The following DOCK4 variants were observed in gnomAD, a reference collection of about 807,000 sequenced individuals.
DOCK4 encodes the protein dedicator of cytokinesis protein 4.
Under a neutral mutation model 268.1 loss-of-function variants are expected in DOCK4, and 97 were observed. The observed-to-expected ratio is 0.36, with a 90% CI of 0.31 to 0.43. The LOEUF is 0.43. DOCK4 is among the 20% of genes least tolerant of loss of function. DOCK4 has a pLI of 1.00. For missense variants in DOCK4, 2,145 were observed against 2,455.7 expected (o/e 0.87, Z 2.67); for synonymous variants, 954 against 887.2 (o/e 1.08, Z -1.34).
chr7:112,107,854 G>T lies in DOCK4; in HGVS notation c.37+98248C>A, dbSNP rs527575859. ...CACTCACTTTGGTGATGTGCTGATT[G>T]CCTGTGACCAAGGAAGACAGGGCCT... is the stretch of plus-strand genomic sequence containing the variant. On this transcript the variant is annotated intron_variant, in intron 1 of 52. Coordinates refer to ENST00000428084, the MANE Select transcript of DOCK4 (RefSeq NM_001363540.2). 1.1e-4 allele frequency among the ~76,000 whole-genome samples: 17 copies of T among 152,348 alleles called. No homozygotes were observed. In the East Asian group the frequency reaches 3.1e-3, roughly 28 times the overall value.
At chr7:111,930,101 T>C (rs912046032) in intron 12 of DOCK4, among the ~76,000 whole-genome samples, 1 of 152,240 alleles carries the variant, frequency 6.6e-6, no homozygotes, top group Non-Finnish European at 1.5e-5. Context: ...ATGAATACTT[T>C]TAGAATTTCA....
At chr7:112,159,655 T>C (rs1816912591) in intron 1 of DOCK4, among the ~76,000 whole-genome samples, 1 of 152,054 alleles carries the variant, frequency 6.6e-6, no homozygotes, top group Admixed American at 6.6e-5. Context: ...AGCACTTATA[T>C]GACCCTCCTA....
chr7:112,144,585 A>G (rs1394363181), intron 1 of DOCK4, among the ~76,000 whole-genome samples: 2 of 152,208 alleles, frequency 1.3e-5, no homozygotes, highest in African/African-American at 2.4e-5. Context: ...GGACCAGGGT[A>G]TCTCCAGGAT....
intron 30 of DOCK4, among the ~76,000 whole-genome samples, chr7:111,800,742 A>T (rs1017359561): frequency 3.9e-5 from 6 of 152,144 alleles, no homozygotes; most frequent in Non-Finnish European, 8.8e-5. Context: ...CAGACACGCT[A>T]TTCTTCCAAA....
At chr7:112,196,471 T>C (rs1415151821) in intron 1 of DOCK4, among the ~76,000 whole-genome samples, 1 of 152,220 alleles carries the variant, frequency 6.6e-6, no homozygotes, top group African/African-American at 2.4e-5. Context: ...GCATCTTCTA[T>C]AGACCCCTTT....
At chr7:112,107,241 A>C (rs1811213250) in intron 1 of DOCK4, among the ~76,000 whole-genome samples, 1 of 152,206 alleles carries the variant, frequency 6.6e-6, no homozygotes, top group Admixed American at 6.5e-5. Context: ...CAAACTTCAT[A>C]TATTGAAGTC....
intron 25 of DOCK4, among the ~76,000 whole-genome samples, chr7:111,839,186 G>A (rs1308797103): frequency 6.6e-6 from 1 of 152,092 alleles, no homozygotes; most frequent in Non-Finnish European, 1.5e-5. Flanking sequence ...ATACACCTGA[G>A]GTTTTTGGTT....
chr7:112,001,574 CT>C (rs1453529141), intron 2 of DOCK4, among the ~76,000 whole-genome samples: 1 of 151,128 alleles, frequency 6.6e-6, no homozygotes, highest in Non-Finnish European at 1.5e-5. Context: ...CCATAAAGTG[CT>C]TTAAGTGAAA....
At position 112,018,817 on chromosome 7, in the gene DOCK4, C is replaced by T. The variant is rs773841262; in HGVS notation, c.38-14686G>A. On this transcript the variant is annotated intron_variant, in intron 1 of 52. Coordinates refer to ENST00000428084, the MANE Select transcript of DOCK4 (RefSeq NM_001363540.2). Reference sequence around the variant, plus strand: ...TGCCAAACAAATGAGATAAATTTTCCAAAATATCTTCAAAAACAAACAATA... The same window carrying T: ...TGCCAAACAAATGAGATAAATTTTCTAAAATATCTTCAAAAACAAACAATA... Among the ~76,000 whole-genome samples the T allele has an allele frequency of 1.3e-4, 20 of 152,136 alleles. 1 individual carries two copies. The Middle Eastern group carries it at 0.01, about 78-fold the overall frequency.
intron 1 of DOCK4, among the ~76,000 whole-genome samples, chr7:112,191,299 C>G (rs952862420): frequency 2.0e-5 from 3 of 152,162 alleles, no homozygotes; most frequent in African/African-American, 7.2e-5. Flanking sequence ...CTGGTCCATC[C>G]TCACTCAAAG....
At chr7:111,831,723 G>C (rs1802825827) in intron 26 of DOCK4, among the ~76,000 whole-genome samples, 1 of 152,104 alleles carries the variant, frequency 6.6e-6, no homozygotes, top group Admixed American at 6.5e-5. Flanking sequence ...CTGGGCTCAA[G>C]TGATCCTCCT....
chr7:111,826,983 A>G (rs886711480), intron 26 of DOCK4, among the ~76,000 whole-genome samples: 1 of 152,218 alleles, frequency 6.6e-6, no homozygotes, highest in Non-Finnish European at 1.5e-5. Context: ...TCCTGAGTTC[A>G]TGAAACATGA....
At chr7:111,947,560 T>A (rs1795717254) in intron 8 of DOCK4, among the ~76,000 whole-genome samples, 1 of 148,536 alleles carries the variant, frequency 6.7e-6, no homozygotes, top group Non-Finnish European at 1.5e-5. Flanking sequence ...AAAGTTCACA[T>A]GTGATATTAT....
At chr7:111,875,940 T>C (rs1309024437) in intron 17 of DOCK4, among the ~76,000 whole-genome samples, 1 of 152,190 alleles carries the variant, frequency 6.6e-6, no homozygotes, top group Non-Finnish European at 1.5e-5. Flanking sequence ...CAGTTAAACA[T>C]GAATGCAAAC....
At chr7:111,795,886 C>T (rs536204036) in intron 30 of DOCK4, among the ~76,000 whole-genome samples, 1 of 152,274 alleles carries the variant, frequency 6.6e-6, no homozygotes, top group South Asian at 2.1e-4. Flanking sequence ...TTTGAACTAC[C>T]TTCTATCTTG....
chr7:112,074,895 A>G (rs1321941724), intron 1 of DOCK4, among the ~76,000 whole-genome samples: 1 of 152,202 alleles, frequency 6.6e-6, no homozygotes, highest in East Asian at 1.9e-4. Context: ...TCAGCTCTAC[A>G]GGGCTCCTCC....
chr7:111,801,674 CT>C (rs1800292536), intron 30 of DOCK4: 1 of 146,860 alleles, frequency 6.8e-6, no homozygotes, highest in South Asian at 2.2e-4. Flanking sequence ...CTTTTTATTT[CT>C]TTTCTTTTTT....
chr7:111,871,965 C>G, intron 20 of DOCK4, 25 bp downstream of exon 20: 1 of 1,506,202 alleles, frequency 6.6e-7, no homozygotes. Flanking sequence ...CACTTCTAAA[C>G]TAATTACAAG....
At position 111,741,795 on chromosome 7, in the gene DOCK4, C is replaced by G; in HGVS notation, c.4798-134G>C. 3.0e-6 allele frequency: 4 copies of G among 1,316,582 alleles called. No individual in the cohort carries two copies. In the South Asian group the frequency reaches 4.8e-5, roughly 16 times the overall value. The allele number at this position is 1,316,582 out of a possible 1,614,324, so 81.6% of individuals were successfully genotyped here. On this transcript the variant is annotated intron_variant, in intron 45 of 52. Transcript: ENST00000428084. ...ACATAGGGAGCTATTAAAGCAAGTT[C>G]CAGTATTATTTGGCTTTCCCTCACT...
Sources: allele counts gnomAD v4.1 joint callset (sites outside exome capture counted in the v4.1 genomes callset), GRCh38; gene constraint gnomAD v4.1.1; transcripts MANE v1.5; gene names NCBI Gene and HGNC (gene_info 2026-07-23, HGNC 2026-07-21).